Variants in RPS6KC1 observed in about 807,000 individuals in gnomAD.
RPS6KC1 encodes the protein inactive ribosomal protein S6 kinase delta-1.
RPS6KC1 carries 54 observed loss-of-function variants against 103.8 expected under a neutral mutation model. The observed-to-expected ratio is 0.52, with a 90% CI of 0.42 to 0.65. RPS6KC1 has a LOEUF of 0.65. RPS6KC1 is among the 30% of genes least tolerant of loss of function. The pLI is 0.00. For synonymous variants in RPS6KC1, 439 were observed against 438.7 expected, an observed-to-expected ratio of 1.00 and a Z score of -0.01; for missense variants, 1,151 against 1,253.8, an observed-to-expected ratio of 0.92 and a Z score of 1.24.
At chr1:213,453,049 C>T in the RPS6KC1 span, among the ~76,000 whole-genome samples, 3 of 151,862 alleles carry the variant, frequency 2.0e-5, no homozygotes, top group Admixed American at 6.6e-5. Flanking sequence ...AGGTAATCCA[C>T]GTATGGTATC....
the RPS6KC1 span, among the ~76,000 whole-genome samples, chr1:213,589,938 G>GGTGTGTGTGT: frequency 2.0e-4 from 27 of 132,822 alleles, no homozygotes; most frequent in East Asian, 2.6e-3. Flanking sequence ...AAAAGGTAGT[G>GGTGTGTGTGT]GTGTGTGTGT....
chr1:213,134,067 G>C (rs777800664), intron 6 of RPS6KC1, among the ~76,000 whole-genome samples: 5 of 151,910 alleles, frequency 3.3e-5, no homozygotes, highest in Admixed American at 6.6e-5. Flanking sequence ...CCCTGTAATA[G>C]GGAATATAAA....
chr1:213,153,516 G>T (rs920798518), intron 6 of RPS6KC1, among the ~76,000 whole-genome samples: 3 of 152,104 alleles, frequency 2.0e-5, no homozygotes, highest in African/African-American at 7.2e-5. Context: ...ACATTTTGTT[G>T]TTTCTGTCTT....
chr1:213,564,278 T>C, the RPS6KC1 span, among the ~76,000 whole-genome samples: 1 of 152,184 alleles, frequency 6.6e-6, no homozygotes, highest in Non-Finnish European at 1.5e-5. Context: ...TTTATGTCTG[T>C]TGTTAATTTA....
chr1:213,548,788 G>T, the RPS6KC1 span, among the ~76,000 whole-genome samples: 1 of 152,174 alleles, frequency 6.6e-6, no homozygotes, highest in Non-Finnish European at 1.5e-5. Context: ...TATATGGTGG[G>T]CTCATGGGAA....
At chr1:213,300,625 G>A in the RPS6KC1 span, among the ~76,000 whole-genome samples, 2 of 152,134 alleles carry the variant, frequency 1.3e-5, no homozygotes, top group African/African-American at 2.4e-5. Flanking sequence ...GGTAGGCTTC[G>A]CTGAAGGGTG....
intron 7 of RPS6KC1, among the ~76,000 whole-genome samples, chr1:213,175,227 A>C (rs1374578678): frequency 6.6e-6 from 1 of 152,166 alleles, no homozygotes; most frequent in African/African-American, 2.4e-5. Flanking sequence ...AATACTAGCA[A>C]TATGCTAGGC....
At chr1:213,859,564 T>A in the RPS6KC1 span, among the ~76,000 whole-genome samples, 11 of 152,192 alleles carry the variant, frequency 7.2e-5, no homozygotes, top group African/African-American at 2.6e-4. Flanking sequence ...AACAAGAGGG[T>A]TTGTCTGTGT....
Position 213,272,510 on chromosome 1 carries a change from C to A in RPS6KC1, c.3091-14C>A, listed in dbSNP as rs1477837015. 3 of 1,602,758 alleles carry A rather than the reference C, an allele frequency of 1.9e-6. No individual in the cohort carries two copies. The highest frequency in any genetic ancestry group is 1.7e-5 in the Admixed American group (1 of 59,976). ...GTTGGATTCCTGTTACTCACTAAGT[C>A]CGTCTTTTTTTAGCTCTTGCAGTTC... On this transcript the variant is annotated splice_polypyrimidine_tract_variant and intron_variant, in intron 14 of 14. Coordinates refer to ENST00000366960, the MANE Select transcript of RPS6KC1 (RefSeq NM_012424.6).
At chr1:213,825,573 A>G in the RPS6KC1 span, among the ~76,000 whole-genome samples, 2 of 152,080 alleles carry the variant, frequency 1.3e-5, no homozygotes, top group Non-Finnish European at 2.9e-5. Context: ...TGGGTTGCCC[A>G]GGTTAGAGTG....
the RPS6KC1 span, among the ~76,000 whole-genome samples, chr1:213,518,245 A>G: frequency 3.3e-5 from 5 of 152,216 alleles, no homozygotes; most frequent in Admixed American, 6.5e-5. Flanking sequence ...ACGTGTGACT[A>G]TGGTCTCACT....
At chr1:213,381,129 A>G in the RPS6KC1 span, among the ~76,000 whole-genome samples, 1 of 152,166 alleles carries the variant, frequency 6.6e-6, no homozygotes, top group Non-Finnish European at 1.5e-5. Context: ...TTCTTGTGGG[A>G]CTGGGAAGAG....
chr1:213,189,606 G>A (rs1219237917), intron 8 of RPS6KC1, among the ~76,000 whole-genome samples: 1 of 152,042 alleles, frequency 6.6e-6, no homozygotes, highest in African/African-American at 2.4e-5. Flanking sequence ...TCATATCAAG[G>A]GAGATGGGTA....
chr1:213,503,394 G>T, the RPS6KC1 span, among the ~76,000 whole-genome samples: 1 of 152,204 alleles, frequency 6.6e-6, no homozygotes, highest in Non-Finnish European at 1.5e-5. Context: ...TTAATCAACA[G>T]AATCTGGGTA....
the RPS6KC1 span, among the ~76,000 whole-genome samples, chr1:213,330,250 G>T: frequency 2.0e-5 from 3 of 152,322 alleles, no homozygotes. Flanking sequence ...TCCAAGTTGG[G>T]TTACCGACCT....
At chr1:213,634,642 C>T in the RPS6KC1 span, among the ~76,000 whole-genome samples, 9 of 152,068 alleles carry the variant, frequency 5.9e-5, no homozygotes, top group African/African-American at 1.7e-4. Context: ...GATCTAAAAT[C>T]AACACCCTAA....
At chr1:213,128,714 C>T (rs895151126) in intron 5 of RPS6KC1, among the ~76,000 whole-genome samples, 1 of 152,112 alleles carries the variant, frequency 6.6e-6, no homozygotes, top group African/African-American at 2.4e-5. Context: ...AAATAGCATA[C>T]ATTTTCCAGT....
chr1:213,331,452 A>G, the RPS6KC1 span, among the ~76,000 whole-genome samples: 1 of 152,248 alleles, frequency 6.6e-6, no homozygotes, highest in African/African-American at 2.4e-5. Context: ...TGACGAGTCA[A>G]CGGTTAATTG....
chr1:213,620,616 A>G, the RPS6KC1 span, among the ~76,000 whole-genome samples: 3 of 152,248 alleles, frequency 2.0e-5, no homozygotes, highest in Non-Finnish European at 4.4e-5. Context: ...AATGGAAGGA[A>G]TGTCAATGAA....
Sources: allele counts gnomAD v4.1 joint callset (sites outside exome capture counted in the v4.1 genomes callset), GRCh38; gene constraint gnomAD v4.1.1; transcripts MANE v1.5; gene names NCBI Gene and HGNC (gene_info 2026-07-23, HGNC 2026-07-21).